KIAA1549: variants seen among roughly 807,000 people sequenced by gnomAD.
The protein encoded by KIAA1549 is UPF0606 protein KIAA1549.
KIAA1549 carries 70 observed loss-of-function variants against 156.4 expected under a neutral mutation model. The observed-to-expected ratio is 0.45, with a 90% CI of 0.37 to 0.55. The LOEUF (loss-of-function observed/expected upper bound fraction) is 0.55, where lower values mean the gene tolerates loss of function less well. Ranked by LOEUF, KIAA1549 falls within the 20% of genes least tolerant of loss-of-function variation. KIAA1549 has a pLI of 0.00. For synonymous variants in KIAA1549, 1,103 were observed against 1,066.4 expected (o/e 1.03, Z -0.67); for missense variants, 2,428 against 2,540.9 (o/e 0.96, Z 0.96).
In KIAA1549 at chr7:138,835,719, C is replaced by T. The variant is rs1031721960; in HGVS notation, c.*2187G>A. ...TTTTTGAGTGACATACAAAGATAAT[C>T]GTTCAATTTGGGAGGAGTCGGGTAT... On this transcript the variant is annotated 3_prime_UTR_variant, in exon 20 of 20. Transcript: ENST00000422774. 7 of 217,324 alleles carry T rather than the reference C, an allele frequency of 3.2e-5. No homozygotes were observed. Among genetic ancestry groups the T allele is most frequent in the Admixed American group, 5.8e-5 (1 of 17,178 alleles). The allele number at this position is 217,324 out of a possible 1,614,324, so 13.5% of individuals were successfully genotyped here.
At chr7:138,937,447 A>G (rs1344821579) in intron 1 of KIAA1549, among the ~76,000 whole-genome samples, 5 of 152,200 alleles carry the variant, frequency 3.3e-5, no homozygotes, top group Admixed American at 1.3e-4. Flanking sequence ...CATGTGAGCT[A>G]AGTGCAGGGT....
chr7:138,941,974 TACC>T (rs922293457), intron 1 of KIAA1549, among the ~76,000 whole-genome samples: 5 of 152,098 alleles, frequency 3.3e-5, no homozygotes, highest in African/African-American at 1.2e-4. Context: ...ATGTATATTT[TACC>T]ACATTACAAG....
chr7:138,899,025 C>T lies in KIAA1549; in HGVS notation c.3777G>A (p.Leu1259=). The change falls in exon 9 of 20, where the codon CTG becomes CTA. Residue 1259 remains leucine, a synonymous_variant. Coordinates refer to ENST00000422774, the MANE Select transcript of KIAA1549 (RefSeq NM_001164665.2). Reference sequence around the variant, plus strand: ...CTCTCTGGAGGTCCATTTTGTTAATCAGGTCCGAAGACTTGACTGCACTGA... The same window carrying T: ...CTCTCTGGAGGTCCATTTTGTTAATTAGGTCCGAAGACTTGACTGCACTGA... ...ERLSAVKSSD[L]INKMDLQRAA... 1 of 1,613,856 alleles carries T rather than the reference C, an allele frequency of 6.2e-7. No homozygotes were observed. Among genetic ancestry groups the T allele is most frequent in the Non-Finnish European group, 8.5e-7 (1 of 1,179,790 alleles).
chr7:138,914,784 G>A (rs1430242822), intron 2 of KIAA1549, among the ~76,000 whole-genome samples: 1 of 152,104 alleles, frequency 6.6e-6, no homozygotes, highest in Non-Finnish European at 1.5e-5. Flanking sequence ...AACAATGGCT[G>A]AATTTTACTC....
intron 15 of KIAA1549, 33 bp downstream of exon 15, chr7:138,867,942 C>G (rs940594069): frequency 6.2e-6 from 10 of 1,607,382 alleles, no homozygotes; most frequent in Non-Finnish European, 7.7e-6. Context: ...CCGCCCCACC[C>G]GAGTTCCAGA....
intron 15 of KIAA1549, 113 bp downstream of exon 15, chr7:138,867,862 C>CACTG (rs1810796111): frequency 2.7e-6 from 3 of 1,129,460 alleles, no homozygotes; most frequent in Non-Finnish European, 2.5e-6. Context: ...AGGCATCAGG[C>CACTG]ACTGATACCA....
At chr7:138,877,995 GC>G (rs1273901459) in intron 12 of KIAA1549, among the ~76,000 whole-genome samples, 3 of 151,960 alleles carry the variant, frequency 2.0e-5, no homozygotes, top group African/African-American at 4.8e-5. Flanking sequence ...CTCTTTCCAC[GC>G]CCCCCCAAAT....
chr7:138,855,357 TCAG>T (rs756875118), intron 16 of KIAA1549, among the ~76,000 whole-genome samples: 6 of 152,202 alleles, frequency 3.9e-5, no homozygotes, highest in Non-Finnish European at 7.3e-5. Flanking sequence ...ATTTTACCTA[TCAG>T]CTGCCATGCT....
intron 1 of KIAA1549, among the ~76,000 whole-genome samples, chr7:138,936,826 GGT>G (rs1813024974): frequency 6.7e-6 from 1 of 150,264 alleles, no homozygotes; most frequent in African/African-American, 2.5e-5. Context: ...CCTGATTAGA[GGT>G]GTGTGTTCCT....
intron 7 of KIAA1549, 38 bp downstream of exon 7, chr7:138,904,984 C>A: frequency 1.5e-6 from 2 of 1,342,690 alleles, no homozygotes; most frequent in South Asian, 2.6e-5. Context: ...GACTTCTTCT[C>A]CTTACAGTTC....
intron 1 of KIAA1549, among the ~76,000 whole-genome samples, chr7:138,945,448 T>C (rs1251574190): frequency 6.6e-6 from 1 of 152,242 alleles, no homozygotes; most frequent in East Asian, 1.9e-4. Flanking sequence ...TGTGTTCAGC[T>C]CTCAGCTGCA....
Position 138,835,783 on chromosome 7 carries a change from C to T in KIAA1549, c.*2123G>A, listed in dbSNP as rs1809688784. 4.5e-6 allele frequency: 1 copy of T among 220,962 alleles called. No individual in the cohort carries two copies. Among genetic ancestry groups the T allele is most frequent in the South Asian group, 1.9e-4 (1 of 5,404 alleles). The allele number at this position is 220,962 out of a possible 1,614,324, so 13.7% of individuals were successfully genotyped here. On this transcript the variant is annotated 3_prime_UTR_variant, in exon 20 of 20. Coordinates refer to ENST00000422774, the MANE Select transcript of KIAA1549 (RefSeq NM_001164665.2). ...AGAGAAATTTGGTATTAAACCAAAA[C>T]CAAGACATCAAGCCCAGAAAGGGGC... is the stretch of plus-strand genomic sequence containing the variant.
At chr7:138,955,105 C>A (rs1330310199) in intron 1 of KIAA1549, among the ~76,000 whole-genome samples, 21 of 152,212 alleles carry the variant, frequency 1.4e-4, no homozygotes, top group Admixed American at 1.4e-3. Flanking sequence ...AGAGACACCA[C>A]TAGATTTCGA....
intron 10 of KIAA1549, among the ~76,000 whole-genome samples, chr7:138,893,205 A>G (rs1811590265): frequency 6.6e-6 from 1 of 152,244 alleles, no homozygotes; most frequent in African/African-American, 2.4e-5. Context: ...CTTAAGTTGA[A>G]TGCTTTGGAA....
chr7:138,975,689 AAAAG>A (rs1439161176), intron 1 of KIAA1549, among the ~76,000 whole-genome samples: 2 of 152,242 alleles, frequency 1.3e-5, no homozygotes, highest in East Asian at 1.9e-4. Context: ...AACAACAAGA[AAAAG>A]AAATCACATC....
In KIAA1549 at chr7:138,918,834, C is replaced by G. The variant is rs771354824; in HGVS notation, c.792G>C (p.Arg264Ser). 12 of 1,614,002 alleles carry G rather than the reference C, an allele frequency of 7.4e-6. No homozygotes were observed. In the Admixed American group the frequency reaches 2.0e-4, roughly 27 times the overall value. Reference protein sequence around the residue: ...PTDAYSHLSSRTLPEIVASLT... With the variant: ...PTDAYSHLSSSTLPEIVASLT... The stretch of plus-strand genomic sequence containing the variant: ...GGGAAGCCACAATCTCTGGCAGAGT[C>G]CTGCTTGATAAATGACTGTAAGCAT... The change falls in exon 2 of 20, where the codon AGG becomes AGC. Residue 264 changes from arginine to serine, a missense_variant. Arg to Ser is a moderately radical substitution (Grantham distance 110). This residue lies in a region of KIAA1549 where 893 missense variants were observed against 847.9 expected (regional missense o/e 1.05). Coordinates refer to ENST00000422774, the MANE Select transcript of KIAA1549 (RefSeq NM_001164665.2). The surrounding 1 kb of genome is among the most constrained non-coding windows in gnomAD (Gnocchi z 4.2).
intron 11 of KIAA1549, among the ~76,000 whole-genome samples, chr7:138,880,443 T>C (rs911917835): frequency 1.3e-5 from 2 of 152,240 alleles, no homozygotes; most frequent in Non-Finnish European, 2.9e-5. Context: ...TCATTTTCTT[T>C]TGTAAAGATC....
At chr7:138,859,890 C>T (rs1444579770) in intron 16 of KIAA1549, among the ~76,000 whole-genome samples, 1 of 152,188 alleles carries the variant, frequency 6.6e-6, no homozygotes, top group Non-Finnish European at 1.5e-5. Context: ...CCAGGAACAT[C>T]CTTCTTCAAC....
At position 138,831,734 on chromosome 7, in the gene KIAA1549, A is replaced by C. The variant is rs547549387; in HGVS notation, c.*6172T>G. On this transcript the variant is annotated 3_prime_UTR_variant, in exon 20 of 20. Coordinates refer to ENST00000422774, the MANE Select transcript of KIAA1549 (RefSeq NM_001164665.2). ...GGGATGAGTGTGCAGGAAGAGCCAG[A>C]AAAACATGGACCTTGACAAAGGAGG... 6.5e-5 allele frequency: 15 copies of C among 231,714 alleles called. 1 individual carries two copies. In the South Asian group the frequency reaches 2.5e-3, roughly 39 times the overall value. 14.4% of individuals were successfully genotyped at this position (231,714 alleles called of 1,614,324 possible). A position where few individuals can be genotyped will look rare whatever the true frequency, so the allele number is the denominator to read the frequency against.
Sources: gnomAD v4.1 joint callset for allele counts (sites outside exome capture counted in the v4.1 genomes callset) on GRCh38, gnomAD v4.1.1 for gene constraint, gnomAD v4.1.1 regional missense constraint, Gnocchi (gnomAD v3.1) non-coding constraint, MANE v1.5 for transcripts, NCBI Gene and HGNC (gene_info 2026-07-23, HGNC 2026-07-21) for gene names.